The following KNL1 variants were observed in gnomAD, a reference collection of about 807,000 sequenced individuals.
KNL1 encodes the protein outer kinetochore KNL1 complex subunit KNL1.
KNL1 carries 66 observed loss-of-function variants against 201.3 expected under a neutral mutation model. The observed-to-expected ratio is 0.33, with a 90% CI of 0.27 to 0.40. The LOEUF (loss-of-function observed/expected upper bound fraction) is 0.40, where lower values mean the gene tolerates loss of function less well. Among genes scored for constraint, KNL1 ranks in the 10% least tolerant of loss-of-function variants. The probability of loss-of-function intolerance (pLI) is 1.00; values close to 1 mark genes in which losing one functional copy is unlikely to be tolerated. For synonymous variants in KNL1, 895 were observed against 899.2 expected (o/e 1.00, Z 0.08); for missense variants, 2,815 against 2,690.5 (o/e 1.05, Z -1.02).
chr15:40,629,268 C>A lies in KNL1; in HGVS notation c.5584-5C>A. On this transcript the variant is annotated splice_polypyrimidine_tract_variant and splice_region_variant and intron_variant, in intron 12 of 25. Coordinates refer to ENST00000399668, the MANE Select transcript of KNL1 (RefSeq NM_144508.5). ...GGTCATGCAAACTTTTTTTTCTTTT[C>A]TCAGAAACTCCAAGATGGGAGAATA... 6.4e-7 allele frequency: 1 copy of A among 1,558,500 alleles called. No homozygotes were observed. The highest frequency in any genetic ancestry group is 8.6e-7 in the Non-Finnish European group (1 of 1,158,424).
At chr15:40,618,518 G>GAATAAT (rs529826273) in intron 8 of KNL1, among the ~76,000 whole-genome samples, 6 of 151,438 alleles carry the variant, frequency 4.0e-5, no homozygotes, top group Non-Finnish European at 8.8e-5. Context: ...ATAGAGAAGT[G>GAATAAT]AATAATAATA....
rs369277095 is a variant in KNL1 at position 40,605,029 on chromosome 15, T to C, written c.36-81T>C. ...GAAAGTGATGACCAGTTTGAAAGCATGTAAGGGGTGCTGTGATGATGCCTT... is the reference window on the plus strand; with the variant it reads ...GAAAGTGATGACCAGTTTGAAAGCACGTAAGGGGTGCTGTGATGATGCCTT... On this transcript the variant is annotated intron_variant, in intron 2 of 25. Coordinates refer to ENST00000399668, the MANE Select transcript of KNL1 (RefSeq NM_144508.5). 1.7e-4 allele frequency: 129 copies of C among 752,772 alleles called. No homozygotes were observed. The Middle Eastern group carries it at 3.5e-3, about 20-fold the overall frequency. 46.6% of individuals were successfully genotyped at this position (752,772 alleles called of 1,614,324 possible).
At chr15:40,614,494 A>G (rs1892278314) in intron 7 of KNL1, among the ~76,000 whole-genome samples, 1 of 152,124 alleles carries the variant, frequency 6.6e-6, no homozygotes, top group African/African-American at 2.4e-5. Flanking sequence ...TGGCCTCCCA[A>G]AGTGATGGGA....
Position 40,610,260 on chromosome 15 carries a change from G to A in KNL1, c.213G>A (p.Glu71=), listed in dbSNP as rs147655679. The change falls in exon 6 of 26, where the codon GAG becomes GAA. Residue 71 remains glutamate, a synonymous_variant. Coordinates refer to ENST00000399668, the MANE Select transcript of KNL1 (RefSeq NM_144508.5). ...FADTIKVFQT[E]SHMKIVRKSE... ...TCTCTTCTAGGGTATTCCAGACGGAGTCTCATATGAAAATAGTGAGAAAGT... is the reference window on the plus strand; with the variant it reads ...TCTCTTCTAGGGTATTCCAGACGGAATCTCATATGAAAATAGTGAGAAAGT... 8.9e-5 allele frequency: 134 copies of A among 1,505,130 alleles called. No homozygotes were observed. The highest frequency in any genetic ancestry group is 1.1e-4 in the Non-Finnish European group (122 of 1,082,188). 93.2% of individuals were successfully genotyped at this position (1,505,130 alleles called of 1,614,324 possible).
At chr15:40,643,126 A>G (rs1893281010) in intron 14 of KNL1, 1 of 152,218 alleles carries the variant, frequency 6.6e-6, no homozygotes, top group African/African-American at 2.4e-5. Context: ...TGCTGCTTTT[A>G]TAGATGCTAT....
chr15:40,607,246 G>A (rs75150694), intron 4 of KNL1, among the ~76,000 whole-genome samples: 2,143 of 152,298 alleles, frequency 0.014, 52 homozygotes, highest in African/African-American at 0.049. Flanking sequence ...TCGTAACAAA[G>A]TTTGAAGAAA....
chr15:40,631,091 C>T (rs527680786), intron 13 of KNL1, among the ~76,000 whole-genome samples: 2 of 151,978 alleles, frequency 1.3e-5, no homozygotes, highest in African/African-American at 4.8e-5. Flanking sequence ...GCACTCCAGC[C>T]TAGGCAACAG....
At position 40,645,740 on chromosome 15, in the gene KNL1, G is replaced by T. The variant is rs200052077; in HGVS notation, c.5974G>T (p.Ala1992Ser). ...AGTCTTCACTCACCAAGGAAAAGTG[G>T]CTCTGTATGGCAAGCTGGTGCAGTC... ...TKVFTHQGKV[A>S]LYGKLVQSAQ... Residue 1992 changes from alanine (A) to serine (S), a missense_variant, in exon 16 of 26, where the codon GCT becomes TCT. Ala to Ser is a moderately conservative substitution (Grantham distance 99, BLOSUM62 1). This residue lies in a region of KNL1 where 17 missense variants were observed against 36.2 expected (regional missense o/e 0.47). Transcript: ENST00000399668. 399 of 1,607,676 alleles carry T rather than the reference G, an allele frequency of 2.5e-4. No homozygotes were observed. Among genetic ancestry groups the T allele is most frequent in the South Asian group, 1.5e-3 (139 of 90,040 alleles).
At chr15:40,645,606 T>C in intron 15 of KNL1, 50 bp from the exon 16 acceptor site, 1 of 1,029,374 alleles carries the variant, frequency 9.7e-7, no homozygotes, top group Non-Finnish European at 1.4e-6. Flanking sequence ...CATTTACCTC[T>C]TCTGACTCGT....
At chr15:40,645,505 C>A (rs1201989760) in intron 15 of KNL1, 151 bp from the exon 16 acceptor site, 10 of 415,212 alleles carry the variant, frequency 2.4e-5, no homozygotes, top group Admixed American at 4.0e-5. Flanking sequence ...AAACTGAAAT[C>A]TTTTTTCTGG....
At chr15:40,637,013 A>G (rs1364818097) in intron 13 of KNL1, among the ~76,000 whole-genome samples, 1 of 151,896 alleles carries the variant, frequency 6.6e-6, no homozygotes, top group Non-Finnish European at 1.5e-5. Flanking sequence ...TTAATTATTC[A>G]GTCAGTGTTT....
chr15:40,654,844 G>A lies in KNL1; in HGVS notation c.6416-65G>A, dbSNP rs1054524093. On this transcript the variant is annotated intron_variant, in intron 21 of 25. Coordinates refer to ENST00000399668, the MANE Select transcript of KNL1 (RefSeq NM_144508.5). ...AGACTGCGCCATTGCACTCCAGCCT[G>A]GGAGACAAAGTGAGACTCTCTGTCT... The A allele has an allele frequency of 3.3e-6, 4 of 1,229,726 alleles. No homozygotes were observed. In the African/African-American group the frequency reaches 5.9e-5, roughly 18 times the overall value. 76.2% of individuals were successfully genotyped at this position (1,229,726 alleles called of 1,614,324 possible). A position where few individuals can be genotyped will look rare whatever the true frequency, so the allele number is the denominator to read the frequency against.
intron 22 of KNL1, among the ~76,000 whole-genome samples, chr15:40,655,590 C>CA (rs67088116): frequency 7.7e-4 from 70 of 90,822 alleles, no homozygotes; most frequent in East Asian, 3.4e-3. Context: ...GGCTCCATCT[C>CA]AAAAAAAAAA....
intron 5 of KNL1, among the ~76,000 whole-genome samples, chr15:40,609,269 G>T (rs2141704746): frequency 6.7e-6 from 1 of 149,542 alleles, no homozygotes; most frequent in South Asian, 2.1e-4. Flanking sequence ...AAAAAAATTA[G>T]CTAGGCATGA....
intron 25 of KNL1, among the ~76,000 whole-genome samples, chr15:40,661,683 AG>A (rs951948547): frequency 1.3e-5 from 2 of 152,158 alleles, no homozygotes; most frequent in African/African-American, 4.8e-5. Flanking sequence ...TGTGCTTCCT[AG>A]GAAACTGAGA....
At position 40,651,998 on chromosome 15, in the gene KNL1, T is replaced by C; in HGVS notation, c.6315-7T>C. 1 of 1,607,654 alleles carries C rather than the reference T, an allele frequency of 6.2e-7. No homozygotes were observed. Among genetic ancestry groups the C allele is most frequent in the Middle Eastern group, 1.7e-4 (1 of 6,050 alleles). On this transcript the variant is annotated splice_region_variant and splice_polypyrimidine_tract_variant and intron_variant, in intron 20 of 25. Transcript: ENST00000399668. ...GCTTTTTAAAAATCTTGTTTATCTC[T>C]CTACAGCTTGTCTGAGTGGGATGTC...
chr15:40,611,076 G>A lies in KNL1; in HGVS notation c.251-402G>A, dbSNP rs1444790968. 2.0e-5 allele frequency among the ~76,000 whole-genome samples: 3 copies of A among 149,956 alleles called. No homozygotes were observed. In the East Asian group the frequency reaches 5.8e-4, roughly 29 times the overall value. On this transcript the variant is annotated intron_variant, in intron 6 of 25. Coordinates refer to ENST00000399668, the MANE Select transcript of KNL1 (RefSeq NM_144508.5). ...AATAATTTTTTTAAATGTTGTTAAT[G>A]TCCTTAAGTAATTTTTTAAAAATTT...
intron 1 of KNL1, among the ~76,000 whole-genome samples, chr15:40,595,633 G>A (rs1416660584): frequency 6.6e-6 from 1 of 152,196 alleles, no homozygotes; most frequent in Non-Finnish European, 1.5e-5. Context: ...GATATTGCCA[G>A]TAAAGCAGTG....
intron 14 of KNL1, 83 bp downstream of exon 14, chr15:40,641,110 T>G (rs1893216721): frequency 4.4e-6 from 4 of 912,222 alleles, no homozygotes; most frequent in Non-Finnish European, 6.8e-6. Flanking sequence ...TTGATTAGAA[T>G]AATGCTGGCA....
Sources: gnomAD v4.1 joint callset for allele counts (sites outside exome capture counted in the v4.1 genomes callset) on GRCh38, gnomAD v4.1.1 for gene constraint, gnomAD v4.1.1 regional missense constraint, MANE v1.5 for transcripts, NCBI Gene and HGNC (gene_info 2026-07-23, HGNC 2026-07-21) for gene names.